Variants in NDUFC2 observed in about 807,000 individuals in gnomAD.
The protein encoded by NDUFC2 is NADH dehydrogenase [ubiquinone] 1 subunit C2.
NDUFC2 carries 2 observed loss-of-function variants against 10.1 expected under a neutral mutation model. The observed-to-expected ratio is 0.20, with a 90% CI of 0.08 to 0.62. NDUFC2 has a LOEUF of 0.62. Among genes scored for constraint, NDUFC2 ranks in the 20% least tolerant of loss-of-function variants. The pLI is 0.87. For synonymous variants in NDUFC2, 61 were observed against 63.6 expected, an observed-to-expected ratio of 0.96 and a Z score of 0.20; for missense variants, 156 against 159.6, an observed-to-expected ratio of 0.98 and a Z score of 0.12.
In NDUFC2 at chr11:78,079,843, C is replaced by G; in HGVS notation, c.-99G>C. 6.9e-7 allele frequency: 1 copy of G among 1,449,796 alleles called. No homozygotes were observed. Among genetic ancestry groups the G allele is most frequent in the Non-Finnish European group, 9.1e-7 (1 of 1,096,178 alleles). 89.8% of individuals were successfully genotyped at this position (1,449,796 alleles called of 1,614,324 possible). On this transcript the variant is annotated 5_prime_UTR_variant, in exon 1 of 3. Transcript: ENST00000281031. ...GGCCTAAGCGGTCAGCTTTCTCCTCCTCCTCTGCGCGCCGGACTCACGGGC... is the reference window on the plus strand; with the variant it reads ...GGCCTAAGCGGTCAGCTTTCTCCTCGTCCTCTGCGCGCCGGACTCACGGGC...
At position 78,079,668 on chromosome 11, in the gene NDUFC2, G is replaced by A; in HGVS notation, c.77C>T (p.Thr26Ile). Residue 26 changes from threonine to isoleucine, a missense_variant, in exon 1 of 3, where the codon ACC (threonine) becomes ATC (isoleucine). By Grantham distance (89) the Thr-to-Ile change is moderately conservative. Transcript: ENST00000281031. ...EARSLPPPKL[T>I]DPRLLYIGFL... ...GCCGATGTAGAGGAGCCGCGGGTCG[G>A]TCAGCTTGGGCGGGGGCAGGCTCCG... The A allele has an allele frequency of 6.2e-7, 1 of 1,607,896 alleles. No individual in the cohort carries two copies. Among genetic ancestry groups the A allele is most frequent in the Non-Finnish European group, 8.5e-7 (1 of 1,177,592 alleles).
At chr11:78,078,869 C>T (rs113438107) in intron 1 of NDUFC2, among the ~76,000 whole-genome samples, 10,442 of 149,338 alleles carry the variant, frequency 0.07, 1,195 homozygotes, top group African/African-American at 0.24. Flanking sequence ...GGACCACAGG[C>T]GTGCACCACC....
chr11:78,069,658 C>T lies in NDUFC2; in HGVS notation c.*329G>A, dbSNP rs553874809. The T allele has an allele frequency of 8.9e-6, 5 of 562,590 alleles. No individual in the cohort carries two copies. The highest frequency in any genetic ancestry group is 3.8e-5 in the African/African-American group (2 of 52,524). The allele number at this position is 562,590 out of a possible 1,614,324, so 34.8% of individuals were successfully genotyped here. On this transcript the variant is annotated 3_prime_UTR_variant, in exon 3 of 3. Coordinates refer to ENST00000281031, the MANE Select transcript of NDUFC2 (RefSeq NM_004549.6). ...AATTCTGCTCTTGCAGCATGGCAGT[C>T]GCCATAAACAACATGTAAACAAATG...
At position 78,069,715 on chromosome 11, in the gene NDUFC2, G is replaced by T; in HGVS notation, c.*272C>A. ...GCTGTGTTCCAATGAGACTTTATTG[G>T]CAGTGGGCCAGATTTGGGTAGTCTG... On this transcript the variant is annotated 3_prime_UTR_variant, in exon 3 of 3. Coordinates refer to ENST00000281031, the MANE Select transcript of NDUFC2 (RefSeq NM_004549.6). 1.5e-6 allele frequency: 1 copy of T among 647,250 alleles called. No individual in the cohort carries two copies. The highest frequency in any genetic ancestry group is 2.6e-6 in the Non-Finnish European group (1 of 381,970). The allele number at this position is 647,250 out of a possible 1,614,324, so 40.1% of individuals were successfully genotyped here. A position where few individuals can be genotyped will look rare whatever the true frequency, so the allele number is the denominator to read the frequency against.
intron 1 of NDUFC2, among the ~76,000 whole-genome samples, chr11:78,077,424 C>T (rs1159046037): frequency 6.6e-6 from 1 of 152,222 alleles, no homozygotes; most frequent in African/African-American, 2.4e-5. Flanking sequence ...CAGAATCTCA[C>T]TCAATTCTCA....
At position 78,079,666 on chromosome 11, in the gene NDUFC2, C is replaced by G; in HGVS notation, c.79G>C (p.Asp27His). The change falls in exon 1 of 3, where the codon GAC (aspartate) becomes CAC (histidine). Residue 27 changes from aspartate (D) to histidine (H), a missense_variant. Transcript: ENST00000281031. ...ARSLPPPKLT[D>H]PRLLYIGFLG... ...AAGCCGATGTAGAGGAGCCGCGGGT[C>G]GGTCAGCTTGGGCGGGGGCAGGCTC... The G allele has an allele frequency of 6.2e-7, 1 of 1,607,086 alleles. No individual in the cohort carries two copies. The highest frequency in any genetic ancestry group is 8.5e-7 in the Non-Finnish European group (1 of 1,177,204).
At chr11:78,072,339 G>A (rs928637703) in intron 2 of NDUFC2, among the ~76,000 whole-genome samples, 8 of 152,076 alleles carry the variant, frequency 5.3e-5, no homozygotes, top group African/African-American at 9.7e-5. Context: ...CATCATGCCC[G>A]GCTAATTTTT....
At position 78,079,754 on chromosome 11, in the gene NDUFC2, G is replaced by C; in HGVS notation, c.-10C>G. ...TCCGCCGTGCGATCATGGTGACGCC[G>C]TTTCCACTTGAGGCCTGGTCTCAGA... On this transcript the variant is annotated 5_prime_UTR_variant, in exon 1 of 3. Coordinates refer to ENST00000281031, the MANE Select transcript of NDUFC2 (RefSeq NM_004549.6). 6.2e-7 allele frequency: 1 copy of C among 1,603,476 alleles called. No homozygotes were observed. The highest frequency in any genetic ancestry group is 1.1e-5 in the South Asian group (1 of 89,658).
intron 1 of NDUFC2, 82 bp downstream of exon 1, chr11:78,079,497 C>G: frequency 6.7e-7 from 1 of 1,499,044 alleles, no homozygotes; most frequent in Non-Finnish European, 8.9e-7. Context: ...AGCAGAGCAC[C>G]TCAGGGGGGC....
chr11:78,078,899 A>AT (rs35564410), intron 1 of NDUFC2, among the ~76,000 whole-genome samples: 10 of 149,592 alleles, frequency 6.7e-5, no homozygotes, highest in African/African-American at 9.8e-5. Flanking sequence ...TAACTTTTGT[A>AT]TTTTTTTGTA....
Position 78,069,904 on chromosome 11 carries a change from G to C in NDUFC2, c.*83C>G, listed in dbSNP as rs532766460. The C allele has an allele frequency of 6.2e-7, 1 of 1,613,154 alleles. No individual in the cohort carries two copies. The highest frequency in any genetic ancestry group is 2.2e-5 in the East Asian group (1 of 44,860). On this transcript the variant is annotated 3_prime_UTR_variant, in exon 3 of 3. Transcript: ENST00000281031. ...GGTGTCAACATACAGATTAGCATAA[G>C]CTTCAACTGTCATAAGAAACATGTT...
intron 1 of NDUFC2, among the ~76,000 whole-genome samples, chr11:78,078,424 G>A (rs1859342291): frequency 6.6e-6 from 1 of 152,118 alleles, no homozygotes; most frequent in Admixed American, 6.5e-5. Context: ...AGCCCCACGG[G>A]CCTAGAAAGC....
chr11:78,073,740 T>C (rs2136830433), intron 1 of NDUFC2, among the ~76,000 whole-genome samples: 1 of 143,166 alleles, frequency 7.0e-6, no homozygotes, highest in African/African-American at 2.7e-5. Flanking sequence ...AGGCAGAGGT[T>C]GCAGTGAGCC....
At position 78,079,816 on chromosome 11, in the gene NDUFC2, C is replaced by G; in HGVS notation, c.-72G>C. The G allele has an allele frequency of 6.6e-7, 1 of 1,513,928 alleles. No homozygotes were observed. Among genetic ancestry groups the G allele is most frequent in the Non-Finnish European group, 8.8e-7 (1 of 1,132,452 alleles). 93.8% of individuals were successfully genotyped at this position (1,513,928 alleles called of 1,614,324 possible). On this transcript the variant is annotated 5_prime_UTR_variant, in exon 1 of 3. Coordinates refer to ENST00000281031, the MANE Select transcript of NDUFC2 (RefSeq NM_004549.6). Reference sequence around the variant, plus strand: ...AAGGAAAACCACGACGACCACTACCCCGGCCTAAGCGGTCAGCTTTCTCCT... The same window carrying G: ...AAGGAAAACCACGACGACCACTACCGCGGCCTAAGCGGTCAGCTTTCTCCT...
At chr11:78,070,070 A>T (rs760963662) in intron 2 of NDUFC2, 34 bp from the exon 3 acceptor site, 15 of 1,402,810 alleles carry the variant, frequency 1.1e-5, no homozygotes, top group Non-Finnish European at 3.0e-6. Flanking sequence ...GATTTATTTT[A>T]AAAATATGTT....
At position 78,079,829 on chromosome 11, in the gene NDUFC2, T is replaced by A; in HGVS notation, c.-85A>T. On this transcript the variant is annotated 5_prime_UTR_variant, in exon 1 of 3. Coordinates refer to ENST00000281031, the MANE Select transcript of NDUFC2 (RefSeq NM_004549.6). ...ACGACCACTACCCCGGCCTAAGCGGTCAGCTTTCTCCTCCTCCTCTGCGCG... is the reference window on the plus strand; with the variant it reads ...ACGACCACTACCCCGGCCTAAGCGGACAGCTTTCTCCTCCTCCTCTGCGCG... 6.7e-7 allele frequency: 1 copy of A among 1,483,414 alleles called. No homozygotes were observed. The highest frequency in any genetic ancestry group is 9.0e-7 in the Non-Finnish European group (1 of 1,115,764). The allele number at this position is 1,483,414 out of a possible 1,614,324, so 91.9% of individuals were successfully genotyped here.
In NDUFC2 at chr11:78,071,567, CA is replaced by C. The variant is rs934112387; in HGVS notation, c.310+1430del. On this transcript the variant is annotated intron_variant, in intron 2 of 2. Coordinates refer to ENST00000281031, the MANE Select transcript of NDUFC2 (RefSeq NM_004549.6). Reference sequence around the variant, plus strand: ...ATGTGTGCCAAACCCCTGGGGAAACCAAAAAAAACTGTCGTAGTAGTTAAAC... The same window carrying C: ...ATGTGTGCCAAACCCCTGGGGAAACCAAAAAAACTGTCGTAGTAGTTAAAC... Among the ~76,000 whole-genome samples, 7 of 151,126 alleles carry C rather than the reference CA, an allele frequency of 4.6e-5. No individual in the cohort carries two copies. The East Asian group carries it at 1.2e-3, about 25-fold the overall frequency.
intron 1 of NDUFC2, among the ~76,000 whole-genome samples, chr11:78,078,743 T>TTTTTTTTTTTTA (rs1859362696): frequency 7.0e-6 from 1 of 142,998 alleles, no homozygotes; most frequent in Non-Finnish European, 1.5e-5. Flanking sequence ...TTTTTTTTTT[T>TTTTTTTTTTTTA]GAGACAGGGT....
chr11:78,068,314 A>G lies in NDUFC2; in HGVS notation c.*1673T>C, dbSNP rs899110773. The G allele has an allele frequency of 6.6e-6, 1 of 152,206 alleles. No individual in the cohort carries two copies. Among genetic ancestry groups the G allele is most frequent in the African/African-American group, 2.4e-5 (1 of 41,452 alleles). The allele number at this position is 152,206 out of a possible 1,614,324, so 9.4% of individuals were successfully genotyped here. A position where few individuals can be genotyped will look rare whatever the true frequency, so the allele number is the denominator to read the frequency against. On this transcript the variant is annotated 3_prime_UTR_variant, in exon 3 of 3. Transcript: ENST00000281031. ...ACAACAGGTGAACTATAAACCTATT[A>G]TTTATTGCAGAACTAATAAAAAATC...
Sources: gnomAD v4.1 joint callset for allele counts (sites outside exome capture counted in the v4.1 genomes callset) on GRCh38, gnomAD v4.1.1 for gene constraint, MANE v1.5 for transcripts, NCBI Gene and HGNC (gene_info 2026-07-23, HGNC 2026-07-21) for gene names.